The following NCAM2 variants were observed in gnomAD, a reference collection of about 807,000 sequenced individuals.
NCAM2 encodes N-CAM-2.
Under a neutral mutation model 98.1 loss-of-function variants are expected in NCAM2, and 30 were observed. The ratio of observed to expected loss-of-function variants is 0.31; its 90% CI spans 0.23 to 0.41. NCAM2 has a LOEUF of 0.41. Ranked by LOEUF, NCAM2 falls within the 10% of genes least tolerant of loss-of-function variation. NCAM2 has a pLI of 1.00. For missense variants in NCAM2, 867 were observed against 1,005.8 expected, an observed-to-expected ratio of 0.86 and a Z score of 1.87; for synonymous variants, 368 against 342.4, an observed-to-expected ratio of 1.07 and a Z score of -0.83.
intron 1 of NCAM2, chr21:21,223,523 C>A (rs1251228436): frequency 2.6e-5 from 4 of 152,084 alleles, no homozygotes; most frequent in Admixed American, 6.6e-5. Flanking sequence ...TTCTTTCAAG[C>A]TAAATATGCA....
At chr21:21,500,490 A>G (rs2146333302) in intron 15 of NCAM2, among the ~76,000 whole-genome samples, 2 of 152,088 alleles carry the variant, frequency 1.3e-5, no homozygotes, top group East Asian at 3.9e-4. Flanking sequence ...GTGGTTCCAT[A>G]TAAAATTCAG....
intron 1 of NCAM2, among the ~76,000 whole-genome samples, chr21:21,265,319 A>G (rs1248980318): frequency 1.2e-4 from 16 of 131,750 alleles, no homozygotes; most frequent in Non-Finnish European, 2.2e-4. Context: ...ACACGTATAT[A>G]TACACATATA....
intron 1 of NCAM2, chr21:21,210,426 AT>A: frequency 1.3e-6 from 1 of 796,264 alleles, no homozygotes; most frequent in Non-Finnish European, 1.6e-6. Context: ...ATACTGAGAT[AT>A]TTAAGAGCAC....
rs1422791371 is a variant in NCAM2, at chr21:21,538,585, A to T, written c.*628A>T. The T allele has an allele frequency of 6.6e-6, 1 of 152,480 alleles. No individual in the cohort carries two copies. Among genetic ancestry groups the T allele is most frequent in the Admixed American group, 6.5e-5 (1 of 15,270 alleles). The allele number at this position is 152,480 out of a possible 1,614,324, so 9.4% of individuals were successfully genotyped here. ...TTTGATAGACTGAAGTGCCAGATCA[A>T]AATTGTTACCCATTTGAAAGAATAT... is the stretch of plus-strand genomic sequence containing the variant. On this transcript the variant is annotated 3_prime_UTR_variant, in exon 18 of 18. Coordinates refer to ENST00000400546, the MANE Select transcript of NCAM2 (RefSeq NM_004540.5).
chr21:21,120,497 A>G (rs911774748), intron 1 of NCAM2, among the ~76,000 whole-genome samples: 1 of 152,022 alleles, frequency 6.6e-6, no homozygotes, highest in Non-Finnish European at 1.5e-5. Context: ...TTAAACTGAT[A>G]CTGGCAGCAT....
chr21:21,522,583 C>A (rs1406930122), intron 16 of NCAM2, among the ~76,000 whole-genome samples: 1 of 149,914 alleles, frequency 6.7e-6, no homozygotes, highest in African/African-American at 2.4e-5. Flanking sequence ...GCCAATAGAT[C>A]TGACTTGCAA....
intron 16 of NCAM2, among the ~76,000 whole-genome samples, chr21:21,520,662 C>T (rs555920970): frequency 1.4e-3 from 211 of 152,230 alleles, no homozygotes; most frequent in African/African-American, 4.6e-3. Context: ...ATCAACAATT[C>T]TTAGATTCAT....
Position 21,538,065 on chromosome 21 carries a change from T to C in NCAM2, c.*108T>C. On this transcript the variant is annotated 3_prime_UTR_variant, in exon 18 of 18. Transcript: ENST00000400546. ...TTAATTTCTTGGGAAACTTCTAGCT[T>C]GGAATAGCTTGTACACATATACATA... is the stretch of plus-strand genomic sequence containing the variant. 1 of 553,848 alleles carries C rather than the reference T, an allele frequency of 1.8e-6. No individual in the cohort carries two copies. Among genetic ancestry groups the C allele is most frequent in the Non-Finnish European group, 3.1e-6 (1 of 319,080 alleles). The allele number at this position is 553,848 out of a possible 1,614,324, so 34.3% of individuals were successfully genotyped here.
chr21:21,414,506 T>C (rs2076949695), intron 10 of NCAM2, among the ~76,000 whole-genome samples: 1 of 149,216 alleles, frequency 6.7e-6, no homozygotes, highest in Admixed American at 6.7e-5. Context: ...AGTCTCGCTC[T>C]GTCGCCCAGG....
At chr21:21,424,560 A>T (rs1350505653) in intron 11 of NCAM2, among the ~76,000 whole-genome samples, 1 of 152,148 alleles carries the variant, frequency 6.6e-6, no homozygotes, top group Non-Finnish European at 1.5e-5. Flanking sequence ...GATGAAAGGG[A>T]AAGACTCAAA....
chr21:21,032,346 G>A (rs1385852703), intron 1 of NCAM2, among the ~76,000 whole-genome samples: 1 of 151,964 alleles, frequency 6.6e-6, no homozygotes, highest in African/African-American at 2.4e-5. Flanking sequence ...ATATAAAATG[G>A]CTATTTTAAA....
rs944978556 is a variant in NCAM2, at chr21:21,540,631, T to G, written c.*2674T>G. 6.6e-6 allele frequency: 1 copy of G among 152,102 alleles called. No individual in the cohort carries two copies. Among genetic ancestry groups the G allele is most frequent in the Admixed American group, 6.6e-5 (1 of 15,240 alleles). The allele number at this position is 152,102 out of a possible 1,614,324, so 9.4% of individuals were successfully genotyped here. A position where few individuals can be genotyped will look rare whatever the true frequency, so the allele number is the denominator to read the frequency against. On this transcript the variant is annotated 3_prime_UTR_variant, in exon 18 of 18. Transcript: ENST00000400546. ...AAACAAACATATACATATAACCATA[T>G]AAATGTTATTTTTATTGTCTGAGAG...
At chr21:21,286,461 G>T (rs774388527) in intron 4 of NCAM2, 49 bp downstream of exon 4, 9 of 1,536,856 alleles carry the variant, frequency 5.9e-6, no homozygotes, top group South Asian at 5.0e-5. Context: ...TACTATTGCA[G>T]TTTTTAAAAA....
intron 8 of NCAM2, among the ~76,000 whole-genome samples, chr21:21,340,078 A>G (rs947058925): frequency 2.6e-5 from 4 of 151,894 alleles, no homozygotes; most frequent in African/African-American, 9.7e-5. Context: ...AATTAAATTT[A>G]TGTGAAATTA....
chr21:21,283,254 A>G (rs530852437), intron 2 of NCAM2, among the ~76,000 whole-genome samples: 1 of 152,090 alleles, frequency 6.6e-6, no homozygotes, highest in South Asian at 2.1e-4. Flanking sequence ...AAAAATGAGA[A>G]GGAATAATTT....
chr21:21,494,192 A>G lies in NCAM2; in HGVS notation c.2078-14659A>G, dbSNP rs1430639450. The stretch of plus-strand genomic sequence containing the variant: ...GCAGAAGTTTTATAAATAGTTAGGA[A>G]TTTTATATTGGAGAAAATTAAACAG... On this transcript the variant is annotated intron_variant, in intron 15 of 17. Transcript: ENST00000400546. 3.9e-5 allele frequency among the ~76,000 whole-genome samples: 6 copies of G among 152,084 alleles called. No individual in the cohort carries two copies. In the East Asian group the frequency reaches 9.6e-4, roughly 24 times the overall value.
chr21:21,004,403 C>A (rs1485617493), intron 1 of NCAM2, among the ~76,000 whole-genome samples: 3 of 152,076 alleles, frequency 2.0e-5, no homozygotes, highest in East Asian at 1.9e-4. Flanking sequence ...GAAGAATGAT[C>A]CGATTTGCCT....
At chr21:21,225,921 A>T (rs1359349624) in intron 1 of NCAM2, among the ~76,000 whole-genome samples, 1 of 152,070 alleles carries the variant, frequency 6.6e-6, no homozygotes, top group African/African-American at 2.4e-5. Context: ...CATGGGATCA[A>T]CCTCGGTGGC....
chr21:21,178,823 C>G lies in NCAM2; in HGVS notation c.56-101755C>G, dbSNP rs920234316. ...TCTAAAAAATGATTACTATCACTAC[C>G]TATGAAATGGTTCTCTTATGCTTGA... On this transcript the variant is annotated intron_variant, in intron 1 of 17. Coordinates refer to ENST00000400546, the MANE Select transcript of NCAM2 (RefSeq NM_004540.5). Among the ~76,000 whole-genome samples, 198 of 151,910 alleles carry G rather than the reference C, an allele frequency of 1.3e-3. 2 individuals carry two copies. Among genetic ancestry groups the G allele is most frequent in the African/African-American group, 4.6e-3 (192 of 41,460 alleles).
Sources: gnomAD v4.1 joint callset for allele counts (sites outside exome capture counted in the v4.1 genomes callset) on GRCh38, gnomAD v4.1.1 for gene constraint, MANE v1.5 for transcripts, NCBI Gene and HGNC (gene_info 2026-07-23, HGNC 2026-07-21) for gene names.